The following PCDHA3 variants were observed in gnomAD, a reference collection of about 807,000 sequenced individuals.
The protein encoded by PCDHA3 is protocadherin alpha-3.
A neutral mutation model predicts 62.2 loss-of-function variants in PCDHA3; 41 were observed. The observed-to-expected ratio is 0.66, with a 90% CI of 0.51 to 0.86. The LOEUF (loss-of-function observed/expected upper bound fraction) is 0.86. Ranked by LOEUF, PCDHA3 falls within the 40% of genes least tolerant of loss-of-function variation. The pLI, the probability that PCDHA3 is intolerant of heterozygous loss-of-function variation, is 0.00. For synonymous variants in PCDHA3, 640 were observed against 555.4 expected (o/e 1.15, Z -2.14); for missense variants, 1,304 against 1,241.2 (o/e 1.05, Z -0.76).
chr5:140,933,695 G>A lies in PCDHA3; in HGVS notation c.2395-45254G>A, dbSNP rs575994908. On this transcript the variant is annotated intron_variant, in intron 1 of 3. Coordinates refer to ENST00000522353, the MANE Select transcript of PCDHA3 (RefSeq NM_018906.3). ...TCTCACATTTTTTTTCCTATTCCTCGGACACATTTACTGAGATTGGTGATA... is the reference window on the plus strand; with the variant it reads ...TCTCACATTTTTTTTCCTATTCCTCAGACACATTTACTGAGATTGGTGATA... Among the ~76,000 whole-genome samples the A allele has an allele frequency of 1.8e-4, 27 of 151,494 alleles. 1 individual carries two copies. The South Asian group carries it at 3.7e-3, about 21-fold the overall frequency.
At chr5:140,837,793 C>T (rs1775259985) in intron 1 of PCDHA3, among the ~76,000 whole-genome samples, 1 of 151,820 alleles carries the variant, frequency 6.6e-6, no homozygotes, top group Admixed American at 6.6e-5. Flanking sequence ...CCTCCCATCT[C>T]AGCCTCTGGA....
chr5:140,829,666 C>G, intron 1 of PCDHA3: 1 of 1,612,840 alleles, frequency 6.2e-7, no homozygotes, highest in Non-Finnish European at 8.5e-7. Context: ...CGCTGGACCA[C>G]GAGGAGCTAG....
intron 1 of PCDHA3, chr5:140,803,924 A>G (rs1554122994): frequency 2.1e-6 from 1 of 478,316 alleles, no homozygotes; most frequent in Non-Finnish European, 3.7e-6. Flanking sequence ...GACTTGTTTT[A>G]TACTTATCCC....
intron 1 of PCDHA3, among the ~76,000 whole-genome samples, chr5:140,969,836 T>C (rs1349045341): frequency 6.6e-6 from 1 of 152,224 alleles, no homozygotes; most frequent in Non-Finnish European, 1.5e-5. Flanking sequence ...ACAGTGGAAA[T>C]TATCTAGTTA....
intron 1 of PCDHA3, among the ~76,000 whole-genome samples, chr5:140,916,135 T>TG (rs1178819787): frequency 6.6e-6 from 1 of 152,126 alleles, no homozygotes; most frequent in Non-Finnish European, 1.5e-5. Flanking sequence ...GCTTAAGGGC[T>TG]GTTCAGTTGT....
chr5:140,826,608 G>A (rs1447387034), intron 1 of PCDHA3, among the ~76,000 whole-genome samples: 2 of 152,100 alleles, frequency 1.3e-5, no homozygotes, highest in African/African-American at 4.8e-5. Context: ...TAAATTAAGG[G>A]CGAAGTTGAT....
At chr5:140,914,809 T>G (rs532202561) in intron 1 of PCDHA3, among the ~76,000 whole-genome samples, 21 of 152,314 alleles carry the variant, frequency 1.4e-4, no homozygotes, top group African/African-American at 5.1e-4. Flanking sequence ...TGATGGCAAC[T>G]TAACAGACTG....
intron 1 of PCDHA3, chr5:140,843,055 C>A (rs2150351247): frequency 3.1e-6 from 5 of 1,595,020 alleles, no homozygotes; most frequent in Admixed American, 1.7e-5. Context: ...GCGCAGCGAG[C>A]AAGCTGGTGC....
chr5:140,802,136 T>C lies in PCDHA3; in HGVS notation c.939T>C (p.Ser313=), dbSNP rs782365037. ...SVKGNIDFEE[S]KSYEIQVEAT... is the part of the protein sequence containing the mutation. ...AGGGTAACATAGATTTCGAGGAAAG[T>C]AAGTCATATGAAATCCAGGTAGAAG... Residue 313 remains serine (S), a synonymous_variant, in exon 1 of 4, where the codon AGT becomes AGC. Transcript: ENST00000522353. The C allele has an allele frequency of 1.2e-6, 2 of 1,614,208 alleles. No individual in the cohort carries two copies. Among genetic ancestry groups the C allele is most frequent in the African/African-American group, 1.3e-5 (1 of 75,040 alleles).
chr5:140,949,935 T>C (rs1554219235), intron 1 of PCDHA3, among the ~76,000 whole-genome samples: 1 of 151,898 alleles, frequency 6.6e-6, no homozygotes, highest in East Asian at 1.9e-4. Context: ...TTTTTTTTAA[T>C]TTGCATTTTT....
chr5:140,808,736 G>T, intron 1 of PCDHA3: 1 of 1,612,192 alleles, frequency 6.2e-7, no homozygotes, highest in Non-Finnish European at 8.5e-7. Flanking sequence ...GAGCGGCAAG[G>T]TGTACGCGCT....
Position 141,010,957 on chromosome 5 carries a change from C to CT in PCDHA3, c.*1021dup, listed in dbSNP as rs1342734442. The CT allele has an allele frequency of 6.5e-5, 10 of 153,858 alleles. No homozygotes were observed. Among genetic ancestry groups the CT allele is most frequent in the African/African-American group, 2.4e-4 (10 of 41,554 alleles). The allele number at this position is 153,858 out of a possible 1,614,324, so 9.5% of individuals were successfully genotyped here. A position where few individuals can be genotyped will look rare whatever the true frequency, so the allele number is the denominator to read the frequency against. On this transcript the variant is annotated 3_prime_UTR_variant, in exon 4 of 4. Coordinates refer to ENST00000522353, the MANE Select transcript of PCDHA3 (RefSeq NM_018906.3). ...ACAGCCATTTAAATGATCATTGCTG[C>CT]TACAGAAGTGCTTTAAGAGAATTGC...
rs2150445484 is a variant in PCDHA3, at chr5:140,849,697, A to T, written c.2394+46106A>T. The T allele has an allele frequency of 1.8e-5, 29 of 1,598,622 alleles. 2 individuals carry two copies. Among genetic ancestry groups the T allele is most frequent in the Middle Eastern group, 1.7e-4 (1 of 5,912 alleles). ...GTCCCCTTCAAGCTGGTGTCCACCTACAAGAATTACTACTCGTTGGTGCTG... is the reference window on the plus strand; with the variant it reads ...GTCCCCTTCAAGCTGGTGTCCACCTTCAAGAATTACTACTCGTTGGTGCTG... On this transcript the variant is annotated intron_variant, in intron 1 of 3. Coordinates refer to ENST00000522353, the MANE Select transcript of PCDHA3 (RefSeq NM_018906.3).
intron 1 of PCDHA3, chr5:140,875,686 G>A: frequency 6.2e-7 from 1 of 1,613,582 alleles, no homozygotes; most frequent in Non-Finnish European, 8.5e-7. Flanking sequence ...CAAAAGACAC[G>A]GGGACCTTCT....
intron 1 of PCDHA3, chr5:140,822,711 T>C: frequency 2.5e-6 from 4 of 1,610,926 alleles, no homozygotes; most frequent in Non-Finnish European, 3.4e-6. Flanking sequence ...ATGAAGACTA[T>C]AACTCATATG....
At position 140,858,590 on chromosome 5, in the gene PCDHA3, C is replaced by T. The variant is rs781927983; in HGVS notation, c.2394+54999C>T. 16 of 1,324,580 alleles carry T rather than the reference C, an allele frequency of 1.2e-5. No homozygotes were observed. In the South Asian group the frequency reaches 2.3e-4, roughly 19 times the overall value. The allele number at this position is 1,324,580 out of a possible 1,614,324, so 82.1% of individuals were successfully genotyped here. A position where few individuals can be genotyped will look rare whatever the true frequency, so the allele number is the denominator to read the frequency against. ...TGATACCTTTGTAATATAATTTATTCCAGGAGTTTTAAAATTTTTTTATCC... is the reference window on the plus strand; with the variant it reads ...TGATACCTTTGTAATATAATTTATTTCAGGAGTTTTAAAATTTTTTTATCC... On this transcript the variant is annotated intron_variant, in intron 1 of 3. Transcript: ENST00000522353.
rs139629080 is a variant in PCDHA3, at chr5:140,828,492, C to G, written c.2394+24901C>G. ...ATTAACGACAACCCGCCCTTGTTCC[C>G]GGTAGAGGAACAAAGAGTGCTGATT... On this transcript the variant is annotated intron_variant, in intron 1 of 3. Coordinates refer to ENST00000522353, the MANE Select transcript of PCDHA3 (RefSeq NM_018906.3). 3.7e-6 allele frequency: 6 copies of G among 1,614,162 alleles called. No homozygotes were observed. The highest frequency in any genetic ancestry group is 4.5e-5 in the East Asian group (2 of 44,888).
intron 1 of PCDHA3, chr5:140,929,227 G>T (rs141300036): frequency 1.2e-6 from 2 of 1,613,774 alleles, no homozygotes; most frequent in Non-Finnish European, 1.7e-6. Context: ...CAATGCTGCC[G>T]ACCTGCGAAA....
chr5:140,835,934 G>T, intron 1 of PCDHA3: 1 of 1,612,552 alleles, frequency 6.2e-7, no homozygotes, highest in South Asian at 1.1e-5. Context: ...GCGGCAAGGT[G>T]TACGCGCTGC....
Sources: allele counts gnomAD v4.1 joint callset (sites outside exome capture counted in the v4.1 genomes callset), GRCh38; gene constraint gnomAD v4.1.1; transcripts MANE v1.5; gene names NCBI Gene and HGNC (gene_info 2026-07-23, HGNC 2026-07-21).